KCNH1: variants seen among roughly 807,000 people sequenced by gnomAD.
KCNH1 encodes the protein potassium voltage-gated channel subfamily H member 1.
In KCNH1, 27 loss-of-function variants were observed where a neutral mutation model predicts 69.2. The observed-to-expected ratio is 0.39, with a 90% confidence interval of 0.29 to 0.54. The LOEUF is 0.54. Ranked by LOEUF, KCNH1 falls within the 20% of genes least tolerant of loss-of-function variation. KCNH1 has a pLI of 0.68. For synonymous variants in KCNH1, 456 were observed against 487.7 expected (o/e 0.93, Z 0.86); for missense variants, 798 against 1,261.6 (o/e 0.63, Z 5.57).
chr1:211,050,260 T>TTAA (rs1690173801), intron 5 of KCNH1, among the ~76,000 whole-genome samples: 1 of 58,582 alleles, frequency 1.7e-5, no homozygotes, highest in Admixed American at 2.6e-4. Flanking sequence ...CACACATTCT[T>TTAA]AAAAAAAAAA....
At chr1:210,982,221 T>TTTATTATTATTATTATTA (rs57676423) in intron 6 of KCNH1, among the ~76,000 whole-genome samples, 20 of 131,058 alleles carry the variant, frequency 1.5e-4, no homozygotes, top group African/African-American at 5.7e-4. Context: ...CGAGAATACT[T>TTTATTATTATTATTATTA]TTATTATTAT....
At chr1:210,862,542 C>G (rs1686002094) in intron 7 of KCNH1, among the ~76,000 whole-genome samples, 1 of 152,162 alleles carries the variant, frequency 6.6e-6, no homozygotes, top group Non-Finnish European at 1.5e-5. Flanking sequence ...CTATGTTGCC[C>G]AGGCTGGTCT....
At chr1:211,074,095 A>C (rs1005516792) in intron 5 of KCNH1, among the ~76,000 whole-genome samples, 1 of 93,726 alleles carries the variant, frequency 1.1e-5, no homozygotes, top group South Asian at 4.9e-4. Context: ...CATTCCACCA[A>C]TTAAAAAAAA....
At chr1:210,863,979 TGC>T (rs1686044853) in intron 7 of KCNH1, among the ~76,000 whole-genome samples, 1 of 152,152 alleles carries the variant, frequency 6.6e-6, no homozygotes, top group Non-Finnish European at 1.5e-5. Flanking sequence ...GGAAACCTGC[TGC>T]TAACTAGAGG....
intron 10 of KCNH1, among the ~76,000 whole-genome samples, chr1:210,744,557 T>A (rs1683104946): frequency 6.6e-6 from 1 of 151,870 alleles, no homozygotes; most frequent in South Asian, 2.1e-4. Context: ...GGCAGGAGAA[T>A]CACTTGAACC....
intron 6 of KCNH1, among the ~76,000 whole-genome samples, chr1:210,992,945 G>A (rs375797457): frequency 2.6e-5 from 4 of 152,176 alleles, no homozygotes; most frequent in Admixed American, 6.5e-5. Context: ...GTCTTTGCAC[G>A]AGTAGGGAGA....
intron 6 of KCNH1, among the ~76,000 whole-genome samples, chr1:210,955,253 T>C (rs1451459831): frequency 6.6e-6 from 1 of 152,218 alleles, no homozygotes; most frequent in Non-Finnish European, 1.5e-5. Context: ...TCTGTTCTAT[T>C]AGTCTGTATA....
chr1:210,814,120 A>T (rs1684767172), intron 7 of KCNH1, among the ~76,000 whole-genome samples: 1 of 152,204 alleles, frequency 6.6e-6, no homozygotes, highest in Non-Finnish European at 1.5e-5. Flanking sequence ...AAGAAAAAGA[A>T]GAATCTACTC....
chr1:210,787,254 C>G (rs547264584), intron 9 of KCNH1, among the ~76,000 whole-genome samples: 1 of 152,142 alleles, frequency 6.6e-6, no homozygotes, highest in Admixed American at 6.5e-5. Context: ...TTTGCAACCC[C>G]CCACAGCCAC....
intron 6 of KCNH1, among the ~76,000 whole-genome samples, chr1:210,943,888 G>C (rs1687915001): frequency 6.6e-6 from 1 of 152,210 alleles, no homozygotes; most frequent in African/African-American, 2.4e-5. Context: ...GGCAGTACCT[G>C]TGTACATTCC....
chr1:210,831,975 A>T, intron 7 of KCNH1, among the ~76,000 whole-genome samples: 1 of 88,494 alleles, frequency 1.1e-5, no homozygotes, highest in Non-Finnish European at 2.3e-5. Flanking sequence ...AATTTTTTTT[A>T]TTTAACTTTA....
intron 6 of KCNH1, among the ~76,000 whole-genome samples, chr1:210,954,365 A>G (rs754949753): frequency 3.2e-4 from 48 of 152,228 alleles, no homozygotes; most frequent in Non-Finnish European, 6.8e-4. Context: ...CAATAAACAT[A>G]TATGTGCATG....
At position 211,082,909 on chromosome 1, in the gene KCNH1, T is replaced by C; in HGVS notation, c.440-11A>G. On this transcript the variant is annotated splice_polypyrimidine_tract_variant and intron_variant, in intron 4 of 10. Transcript: ENST00000271751. ...CAAACTTCCCCCAGCCTGAAGCAAG[T>C]GGAAGAGTGAAAAGACAGGGTCAAC... 2 of 1,608,230 alleles carry C rather than the reference T, an allele frequency of 1.2e-6. No individual in the cohort carries two copies. Among genetic ancestry groups the C allele is most frequent in the South Asian group, 2.2e-5 (2 of 90,636 alleles).
In KCNH1 at chr1:211,123,819, G is replaced by A. The variant is rs1691731070; in HGVS notation, c.79+10048C>T. On this transcript the variant is annotated intron_variant, in intron 1 of 10. Coordinates refer to ENST00000271751, the MANE Select transcript of KCNH1 (RefSeq NM_172362.3). ...AGAGGAGAGGACATGAGAGACTGAG[G>A]GGAGAGAATGAGACCAAAGGCCAGA... is the stretch of plus-strand genomic sequence containing the variant. Among the ~76,000 whole-genome samples, 9 of 152,188 alleles carry A rather than the reference G, an allele frequency of 5.9e-5. No individual in the cohort carries two copies. The South Asian group carries it at 1.7e-3, about 28-fold the overall frequency.
chr1:210,842,422 C>G (rs926692607), intron 7 of KCNH1, among the ~76,000 whole-genome samples: 1 of 152,074 alleles, frequency 6.6e-6, no homozygotes, highest in African/African-American at 2.4e-5. Context: ...ACTGTGCTAA[C>G]AAATGGACTA....
chr1:210,871,122 G>A (rs1234191606), intron 7 of KCNH1, among the ~76,000 whole-genome samples: 3 of 152,142 alleles, frequency 2.0e-5, no homozygotes, highest in Admixed American at 6.6e-5. Context: ...GCAACCTACA[G>A]AATGGGAGAA....
chr1:211,116,846 G>A (rs536974072), intron 1 of KCNH1, among the ~76,000 whole-genome samples: 2 of 152,296 alleles, frequency 1.3e-5, no homozygotes, highest in East Asian at 3.9e-4. Flanking sequence ...CAGGGTATAA[G>A]CTTGAGAAGG....
At chr1:211,073,915 A>G (rs1209693980) in intron 5 of KCNH1, among the ~76,000 whole-genome samples, 1 of 151,960 alleles carries the variant, frequency 6.6e-6, no homozygotes, top group Non-Finnish European at 1.5e-5. Context: ...CAAAACCAAA[A>G]GCTCATTCTT....
intron 10 of KCNH1, among the ~76,000 whole-genome samples, chr1:210,761,338 T>C (rs1683517214): frequency 6.8e-6 from 1 of 146,168 alleles, no homozygotes; most frequent in Non-Finnish European, 1.5e-5. Context: ...ACTAGTCAAC[T>C]AGTTGTTGGC....
Sources: allele counts gnomAD v4.1 joint callset (sites outside exome capture counted in the v4.1 genomes callset), GRCh38; gene constraint gnomAD v4.1.1; transcripts MANE v1.5; gene names NCBI Gene and HGNC (gene_info 2026-07-23, HGNC 2026-07-21).